The following PRKN variants were observed in gnomAD, a reference collection of about 807,000 sequenced individuals.
The protein encoded by PRKN is E3 ubiquitin-protein ligase parkin.
PRKN carries 56 observed loss-of-function variants against 59.5 expected under a neutral mutation model. The ratio of observed to expected loss-of-function variants is 0.94; its 90% CI spans 0.76 to 1.18. The LOEUF is 1.18. PRKN is among the 50% of genes most tolerant of loss of function. The probability of loss-of-function intolerance (pLI) is 0.00; values close to 1 mark genes in which losing one functional copy is unlikely to be tolerated. For synonymous variants in PRKN, 250 were observed against 222.1 expected (o/e 1.13, Z -1.12); for missense variants, 657 against 596.4 (o/e 1.10, Z -1.06).
intron 6 of PRKN, among the ~76,000 whole-genome samples, chr6:161,808,785 G>C (rs185633860): frequency 6.6e-6 from 1 of 151,728 alleles, no homozygotes; most frequent in Non-Finnish European, 1.5e-5. Context: ...ATTAAACTTA[G>C]TTTACTCCAT....
chr6:162,517,029 T>C (rs1000838170), intron 1 of PRKN, among the ~76,000 whole-genome samples: 1 of 151,844 alleles, frequency 6.6e-6, no homozygotes, highest in Non-Finnish European at 1.5e-5. Flanking sequence ...AAACAGGAGG[T>C]AATTCCTCCT....
intron 2 of PRKN, among the ~76,000 whole-genome samples, chr6:162,400,999 A>G (rs1489655262): frequency 6.6e-6 from 1 of 152,196 alleles, no homozygotes; most frequent in Non-Finnish European, 1.5e-5. Context: ...AGAATATAGT[A>G]AAAACATTGA....
intron 7 of PRKN, among the ~76,000 whole-genome samples, chr6:161,734,240 C>A (rs1236031399): frequency 1.3e-5 from 2 of 152,116 alleles, no homozygotes; most frequent in African/African-American, 4.8e-5. Context: ...CATTTTCCAG[C>A]CCATACAAAG....
intron 4 of PRKN, among the ~76,000 whole-genome samples, chr6:162,071,026 T>C (rs893555906): frequency 9.2e-5 from 14 of 152,106 alleles, no homozygotes; most frequent in Admixed American, 1.3e-4. Context: ...TAACATGTTC[T>C]ATTAGTGAAG....
chr6:161,889,463 C>T (rs954035703), intron 6 of PRKN, among the ~76,000 whole-genome samples: 1 of 152,208 alleles, frequency 6.6e-6, no homozygotes, highest in Admixed American at 6.5e-5. Context: ...ATCTCAAAGG[C>T]ATTGCCCTGA....
At position 161,413,564 on chromosome 6, in the gene PRKN, A is replaced by G. The variant is rs1252952168; in HGVS notation, c.1084-26687T>C. Among the ~76,000 whole-genome samples the G allele has an allele frequency of 2.0e-5, 3 of 152,186 alleles. No individual in the cohort carries two copies. In the East Asian group the frequency reaches 5.8e-4, roughly 29 times the overall value. ...ATGTGGGCACGCTGGCCATGGTGGG[A>G]TGGCAGCGTGGGCCAGGAAAGCCTG... On this transcript the variant is annotated intron_variant, in intron 9 of 11. Transcript: ENST00000366898. This position sits in a 1 kb window ranked among gnomAD's most constrained non-coding sequence, Gnocchi z 4.4.
At chr6:162,182,235 A>G (rs1258080213) in intron 4 of PRKN, among the ~76,000 whole-genome samples, 2 of 152,212 alleles carry the variant, frequency 1.3e-5, no homozygotes, top group African/African-American at 4.8e-5. Flanking sequence ...CATTAAACAC[A>G]GATGTTGCCT....
At chr6:161,857,554 A>G (rs1277358032) in intron 6 of PRKN, among the ~76,000 whole-genome samples, 1 of 152,136 alleles carries the variant, frequency 6.6e-6, no homozygotes, top group Admixed American at 6.5e-5. Context: ...TCAATCTAGC[A>G]AATCTACATT....
chr6:162,070,698 A>G (rs957976519), intron 4 of PRKN, among the ~76,000 whole-genome samples: 7 of 152,188 alleles, frequency 4.6e-5, no homozygotes. Flanking sequence ...ATCATCAAGC[A>G]TTAGATTCTC....
intron 5 of PRKN, among the ~76,000 whole-genome samples, chr6:162,032,729 G>A (rs1783687560): frequency 6.6e-6 from 1 of 152,130 alleles, no homozygotes; most frequent in African/African-American, 2.4e-5. Context: ...AGAAAGCATG[G>A]CTAGAAGATC....
intron 4 of PRKN, among the ~76,000 whole-genome samples, chr6:162,097,685 A>T (rs57197174): frequency 0.11 from 17,130 of 152,214 alleles, 1,221 homozygotes; most frequent in African/African-American, 0.2. Flanking sequence ...AAATGTGAGC[A>T]CACAGCCCCC....
At chr6:162,149,990 A>C (rs1378285936) in intron 4 of PRKN, among the ~76,000 whole-genome samples, 1 of 152,160 alleles carries the variant, frequency 6.6e-6, no homozygotes, top group Non-Finnish European at 1.5e-5. Flanking sequence ...GCATTTTGTC[A>C]CAGGCCTCTA....
intron 10 of PRKN, among the ~76,000 whole-genome samples, chr6:161,366,980 T>C (rs7767600): frequency 0.049 from 6,834 of 140,424 alleles, 696 homozygotes; most frequent in African/African-American, 0.19. Flanking sequence ...TTTTTTTGTT[T>C]CCTTTTTTTT....
At chr6:162,366,633 C>T (rs993462176) in intron 2 of PRKN, among the ~76,000 whole-genome samples, 10 of 152,152 alleles carry the variant, frequency 6.6e-5, no homozygotes, top group African/African-American at 2.2e-4. Flanking sequence ...CGGCCAGGCA[C>T]GATGGGTCAT....
chr6:161,740,066 C>G (rs189253303), intron 7 of PRKN, among the ~76,000 whole-genome samples: 78 of 152,300 alleles, frequency 5.1e-4, no homozygotes, highest in South Asian at 8.3e-4. Context: ...ACACATGTAA[C>G]TATTAATGAG....
At chr6:162,146,852 T>C (rs1478374561) in intron 4 of PRKN, among the ~76,000 whole-genome samples, 1 of 151,932 alleles carries the variant, frequency 6.6e-6, no homozygotes, top group Non-Finnish European at 1.5e-5. Flanking sequence ...TGACTCAGCC[T>C]CCCGAGTAGC....
chr6:162,073,186 C>T (rs1023050457), intron 4 of PRKN, among the ~76,000 whole-genome samples: 7 of 152,222 alleles, frequency 4.6e-5, no homozygotes, highest in African/African-American at 1.4e-4. Context: ...GTCTTGAAAC[C>T]GTCTGATAGG....
At chr6:162,503,190 T>C (rs931973397) in intron 1 of PRKN, among the ~76,000 whole-genome samples, 7 of 139,930 alleles carry the variant, frequency 5.0e-5, no homozygotes, top group Non-Finnish European at 1.1e-4. Flanking sequence ...TTAGACAGAG[T>C]CTTGCTCTGT....
chr6:162,027,314 T>C (rs975050816), intron 5 of PRKN, among the ~76,000 whole-genome samples: 5 of 152,172 alleles, frequency 3.3e-5, no homozygotes, highest in Non-Finnish European at 7.3e-5. Context: ...TTGACATGTT[T>C]CAATGTTATA....
Sources: allele counts gnomAD v4.1 joint callset (sites outside exome capture counted in the v4.1 genomes callset), GRCh38; gene constraint gnomAD v4.1.1; non-coding constraint Gnocchi (gnomAD v3.1); transcripts MANE v1.5; gene names NCBI Gene and HGNC (gene_info 2026-07-23, HGNC 2026-07-21).